The following SHANK1 variants were observed in gnomAD, a reference collection of about 807,000 sequenced individuals.
SHANK1 encodes SH3 and multiple ankyrin repeat domains protein 1.
Under a neutral mutation model 165.6 loss-of-function variants are expected in SHANK1, and 35 were observed. That is an observed-to-expected ratio of 0.21 (90% CI 0.16 to 0.28). The LOEUF is 0.28. Among genes scored for constraint, SHANK1 ranks in the 10% least tolerant of loss-of-function variants. SHANK1 has a pLI of 1.00. For synonymous variants in SHANK1, 1,428 were observed against 1,384.8 expected, an observed-to-expected ratio of 1.03 and a Z score of -0.69; for missense variants, 2,681 against 3,036.4, an observed-to-expected ratio of 0.88 and a Z score of 2.75.
In SHANK1 at chr19:50,686,724, G is replaced by T; in HGVS notation, c.2458+20C>A. 1 of 1,611,594 alleles carries T rather than the reference G, an allele frequency of 6.2e-7. No individual in the cohort carries two copies. The highest frequency in any genetic ancestry group is 8.5e-7 in the Non-Finnish European group (1 of 1,178,278). ...GGGCTGGGGCCCGGCATCCCGAGGA[G>T]CAGGGCTGGGCCGTCTTACTGAGAG... On this transcript the variant is annotated intron_variant, in intron 20 of 23. Coordinates refer to ENST00000293441, the MANE Select transcript of SHANK1 (RefSeq NM_016148.5). The surrounding 1 kb of genome is among the most constrained non-coding windows in gnomAD (Gnocchi z 5.7).
rs1346627721 is a variant in SHANK1 at position 50,670,934 on chromosome 19, C to T, written c.2674+1084G>A. Among the ~76,000 whole-genome samples, 2 of 151,874 alleles carry T rather than the reference C, an allele frequency of 1.3e-5. No homozygotes were observed. Among genetic ancestry groups the T allele is most frequent in the African/African-American group, 4.8e-5 (2 of 41,338 alleles). On this transcript the variant is annotated intron_variant, in intron 22 of 23. Transcript: ENST00000293441. The surrounding 1 kb of genome is among the most constrained non-coding windows in gnomAD (Gnocchi z 4.1). ...TCAGCCTCCTGAGTAGCTGGGATTA[C>T]AGGCACATGCCACCACGCTTGGCTA...
intron 8 of SHANK1, among the ~76,000 whole-genome samples, chr19:50,708,525 C>A (rs1237566040): frequency 7.4e-6 from 1 of 135,570 alleles, no homozygotes; most frequent in Non-Finnish European, 1.6e-5. Context: ...AGGCCAGATG[C>A]TGTGTCTGAT....
At chr19:50,665,920 A>G (rs1985481552) in intron 23 of SHANK1, among the ~76,000 whole-genome samples, 1 of 130,532 alleles carries the variant, frequency 7.7e-6, no homozygotes, top group African/African-American at 3.2e-5. Flanking sequence ...CTGAGGCAGG[A>G]GAATCGCTTG....
Position 50,702,862 on chromosome 19 carries a change from C to T in SHANK1, c.1554-202G>A, listed in dbSNP as rs559994332. On this transcript the variant is annotated intron_variant, in intron 11 of 23. Coordinates refer to ENST00000293441, the MANE Select transcript of SHANK1 (RefSeq NM_016148.5). The surrounding 1 kb of genome is among the most constrained non-coding windows in gnomAD (Gnocchi z 5.3). The stretch of plus-strand genomic sequence containing the variant: ...TGCCCCAACCAGCCCCCTCTCCTGC[C>T]TCCTGGCTTCCGGCTCTGCCCCCTC... 1.3e-5 allele frequency among the ~76,000 whole-genome samples: 2 copies of T among 152,140 alleles called. No homozygotes were observed. Among genetic ancestry groups the T allele is most frequent in the South Asian group, 2.1e-4 (1 of 4,820 alleles).
intron 19 of SHANK1, 197 bp from the exon 20 acceptor site, chr19:50,687,009 C>T (rs1445326368): frequency 2.7e-6 from 4 of 1,482,628 alleles, no homozygotes; most frequent in Non-Finnish European, 3.6e-6. Context: ...AGTCCTGTGC[C>T]CACTCACCAC....
chr19:50,668,988 C>T lies in SHANK1; in HGVS notation c.2972G>A (p.Gly991Glu). 2.8e-6 allele frequency: 2 copies of T among 712,718 alleles called. No individual in the cohort carries two copies. Among genetic ancestry groups the T allele is most frequent in the South Asian group, 2.0e-5 (1 of 49,766 alleles). The allele number at this position is 712,718 out of a possible 1,614,324, so 44.1% of individuals were successfully genotyped here. ...GSREKSLYHS[G>E]PLPPAHHHPP... is the part of the protein sequence containing the mutation. ...GTGGTGGTGGGCCGGGGGCAGGGGC[C>T]CACTGTGGTACAGGCTCTTCTCGCG... Residue 991 changes from glycine (G) to glutamate (E), a missense_variant, in exon 23 of 24, where the codon GGG becomes GAG. Physicochemically the swap from Gly to Glu is moderately conservative, Grantham distance 98 (BLOSUM62 -2). This residue lies in a region of SHANK1 where 1,713 missense variants were observed against 1,630.2 expected (regional missense o/e 1.05). Coordinates refer to ENST00000293441, the MANE Select transcript of SHANK1 (RefSeq NM_016148.5).
chr19:50,682,824 C>T (rs12460584), intron 21 of SHANK1, among the ~76,000 whole-genome samples: 58,247 of 151,882 alleles, frequency 0.38, 11,377 homozygotes, highest in Middle Eastern at 0.44. Context: ...TAATCTTTTT[C>T]GTTTGTTTGT....
intron 21 of SHANK1, among the ~76,000 whole-genome samples, chr19:50,683,127 C>G (rs1033418774): frequency 6.6e-6 from 1 of 152,166 alleles, no homozygotes; most frequent in Non-Finnish European, 1.5e-5. Context: ...CCCCTGCGCC[C>G]GGCCCTGAAA....
At chr19:50,707,888 TTTCTTTTCTTTTC>T (rs1358171679) in intron 8 of SHANK1, among the ~76,000 whole-genome samples, 706 of 29,262 alleles carry the variant, frequency 0.024, 14 homozygotes, top group Middle Eastern at 0.029. Flanking sequence ...TTTCTTTTCT[TTTCTTTTCTTTTC>T]TTTTCTTTTC....
chr19:50,699,967 C>T (rs1399815714), intron 12 of SHANK1, among the ~76,000 whole-genome samples: 6 of 82,388 alleles, frequency 7.3e-5, no homozygotes, highest in Non-Finnish European at 1.4e-4. Context: ...TTGGAGGGCT[C>T]GGGGCATTGG....
Position 50,697,013 on chromosome 19 carries a change from T to G in SHANK1, c.1964+83A>C. The G allele has an allele frequency of 1.8e-6, 2 of 1,129,702 alleles. No homozygotes were observed. The highest frequency in any genetic ancestry group is 3.1e-5 in the African/African-American group (2 of 65,516). The allele number at this position is 1,129,702 out of a possible 1,614,324, so 70.0% of individuals were successfully genotyped here. A position where few individuals can be genotyped will look rare whatever the true frequency, so the allele number is the denominator to read the frequency against. ...ACACACCAAGAAACCTCAGCTCTGG[T>G]CGTGCACACACGTTCACACGCCCCC... On this transcript the variant is annotated intron_variant, in intron 15 of 23. Coordinates refer to ENST00000293441, the MANE Select transcript of SHANK1 (RefSeq NM_016148.5). The surrounding 1 kb of genome is among the most constrained non-coding windows in gnomAD (Gnocchi z 4.7).
intron 12 of SHANK1, among the ~76,000 whole-genome samples, chr19:50,699,725 T>C (rs538846204): frequency 7.6e-6 from 1 of 131,852 alleles, no homozygotes; most frequent in African/African-American, 2.9e-5. Context: ...TTGGTAGCAC[T>C]GGGGAACTGG....
Position 50,660,311 on chromosome 19 carries a change from G to A in SHANK1, c.*1654C>T, listed in dbSNP as rs1389548540. Among the ~76,000 whole-genome samples, 2 of 151,988 alleles carry A rather than the reference G, an allele frequency of 1.3e-5. No individual in the cohort carries two copies. The highest frequency in any genetic ancestry group is 4.8e-5 in the African/African-American group (2 of 41,370). The stretch of plus-strand genomic sequence containing the variant: ...GACAGGTTAGGAGAGGGCAATCTTC[G>A]TGCAAAAGGGATGGACAGATGGCCC... On this transcript the variant is annotated 3_prime_UTR_variant, in exon 24 of 24. Transcript: ENST00000293441.
chr19:50,693,700 AG>A (rs1986621347), intron 15 of SHANK1, among the ~76,000 whole-genome samples: 1 of 152,046 alleles, frequency 6.6e-6, no homozygotes, highest in South Asian at 2.1e-4. Context: ...GCCTGCCCAG[AG>A]GCCACCACAG....
chr19:50,700,157 G>C (rs527457963), intron 12 of SHANK1, among the ~76,000 whole-genome samples: 1 of 139,496 alleles, frequency 7.2e-6, no homozygotes, highest in East Asian at 2.3e-4. Context: ...TGGAAGGCTC[G>C]GGCACTGGAA....
chr19:50,674,709 C>T (rs1985918735), intron 21 of SHANK1, among the ~76,000 whole-genome samples: 1 of 152,016 alleles, frequency 6.6e-6, no homozygotes, highest in Admixed American at 6.6e-5. Flanking sequence ...ATCGCTTGAC[C>T]CCAGGAATTT....
Position 50,666,780 on chromosome 19 carries a change from G to A in SHANK1, c.5180C>T (p.Thr1727Ile). Reference sequence around the variant, plus strand: ...CTGGCCGTCCAGGTAGGCCACATAGGTGTCCAGAAGCTCCGGCCCACTGGC... The same window carrying A: ...CTGGCCGTCCAGGTAGGCCACATAGATGTCCAGAAGCTCCGGCCCACTGGC... ...GVASGPELLD[T>I]YVAYLDGQAF... The change falls in exon 23 of 24, where the codon ACC becomes ATC. Residue 1727 changes from threonine (T) to isoleucine (I), a missense_variant. Thr to Ile is a moderately conservative substitution (Grantham distance 89, BLOSUM62 -1). Coordinates refer to ENST00000293441, the MANE Select transcript of SHANK1 (RefSeq NM_016148.5). 1 of 1,552,784 alleles carries A rather than the reference G, an allele frequency of 6.4e-7. No individual in the cohort carries two copies. The highest frequency in any genetic ancestry group is 8.7e-7 in the Non-Finnish European group (1 of 1,149,170).
intron 21 of SHANK1, among the ~76,000 whole-genome samples, chr19:50,678,542 A>C (rs1432527068): frequency 2.0e-5 from 3 of 149,846 alleles, no homozygotes; most frequent in African/African-American, 7.4e-5. Flanking sequence ...AGTGACAGGG[A>C]AGGGACCAGG....
Position 50,686,214 on chromosome 19 carries a change from C to A in SHANK1, c.2577+23G>T. On this transcript the variant is annotated intron_variant, in intron 21 of 23. Transcript: ENST00000293441. The surrounding 1 kb of genome is among the most constrained non-coding windows in gnomAD (Gnocchi z 5.7). ...GTGAACCGCCTCCCCCCTGGCAGTT[C>A]CTCCCCACACCAGGCCGCCTACCTC... 1 of 1,449,880 alleles carries A rather than the reference C, an allele frequency of 6.9e-7. No individual in the cohort carries two copies. The highest frequency in any genetic ancestry group is 9.5e-7 in the Non-Finnish European group (1 of 1,056,214). 89.8% of individuals were successfully genotyped at this position (1,449,880 alleles called of 1,614,324 possible).
Sources: allele counts gnomAD v4.1 joint callset (sites outside exome capture counted in the v4.1 genomes callset), GRCh38; gene constraint gnomAD v4.1.1; regional missense constraint gnomAD v4.1.1; non-coding constraint Gnocchi (gnomAD v3.1); transcripts MANE v1.5; gene names NCBI Gene and HGNC (gene_info 2026-07-23, HGNC 2026-07-21).